Variants in EXOC7 observed in about 807,000 individuals in gnomAD.
EXOC7 encodes the protein exocyst complex component 7.
Under a neutral mutation model 87.6 loss-of-function variants are expected in EXOC7, and 51 were observed. The observed-to-expected ratio is 0.58, with a 90% confidence interval of 0.46 to 0.73. The LOEUF (loss-of-function observed/expected upper bound fraction) is 0.73. Ranked by LOEUF, EXOC7 falls within the 30% of genes least tolerant of loss-of-function variation. The pLI is 0.00. For missense variants in EXOC7, 744 were observed against 888.4 expected (o/e 0.84, Z 2.07); for synonymous variants, 327 against 357.1 (o/e 0.92, Z 0.95).
chr17:76,102,417 G>C (rs7503768), intron 2 of EXOC7, among the ~76,000 whole-genome samples: 4 of 144,010 alleles, frequency 2.8e-5, no homozygotes, highest in Non-Finnish European at 4.6e-5. Context: ...TACACACACA[G>C]ACACACACAC....
chr17:76,099,298 G>A (rs148651054), intron 4 of EXOC7, among the ~76,000 whole-genome samples: 1,730 of 152,254 alleles, frequency 0.011, 26 homozygotes, highest in African/African-American at 0.038. Flanking sequence ...CTGAGGTCAG[G>A]AGTTCAAGAC....
intron 7 of EXOC7, chr17:76,090,398 C>T (rs2067422414): frequency 6.4e-7 from 1 of 1,551,636 alleles, no homozygotes; most frequent in Admixed American, 2.0e-5. Context: ...TGCTCGTGAC[C>T]TGGCGAGATG....
At chr17:76,091,064 TG>T (rs1567972789) in intron 7 of EXOC7, 78 bp downstream of exon 7, 1 of 1,311,864 alleles carries the variant, frequency 7.6e-7, no homozygotes, top group Non-Finnish European at 1.1e-6. Context: ...GAGGCCCTCC[TG>T]GGGGAGGCTC....
intron 2 of EXOC7, chr17:76,103,100 G>C: frequency 3.8e-6 from 2 of 522,890 alleles, no homozygotes; most frequent in East Asian, 3.5e-5. Flanking sequence ...TTTGCAGAAG[G>C]AGAGAAGGAA....
In EXOC7 at chr17:76,097,785, G is replaced by C; in HGVS notation, c.640+11C>G. The C allele has an allele frequency of 6.4e-7, 1 of 1,564,980 alleles. No homozygotes were observed. Among genetic ancestry groups the C allele is most frequent in the Non-Finnish European group, 8.7e-7 (1 of 1,148,910 alleles). ...TCTGGTGTGTCATGTGGCCAAGCCAGAATCCCTTACCTTGGTTGCGGCCAT... is the reference window on the plus strand; with the variant it reads ...TCTGGTGTGTCATGTGGCCAAGCCACAATCCCTTACCTTGGTTGCGGCCAT... On this transcript the variant is annotated intron_variant, in intron 5 of 18. Coordinates refer to ENST00000589210, the MANE Select transcript of EXOC7 (RefSeq NM_001013839.4).
chr17:76,090,508 A>G, intron 7 of EXOC7: 1 of 1,544,120 alleles, frequency 6.5e-7, no homozygotes, highest in Non-Finnish European at 8.8e-7. Flanking sequence ...GGGACGTCAG[A>G]TGGGGATGGG....
Position 76,081,848 on chromosome 17 carries a change from C to T in EXOC7, c.*1800G>A. ...GGGCACCAGAGACACAGGGACTGGCCCCTGAGCATCTCCCTGTGCCCTGCC... is the reference window on the plus strand; with the variant it reads ...GGGCACCAGAGACACAGGGACTGGCTCCTGAGCATCTCCCTGTGCCCTGCC... On this transcript the variant is annotated 3_prime_UTR_variant, in exon 19 of 19. Transcript: ENST00000589210. 1 of 1,608,632 alleles carries T rather than the reference C, an allele frequency of 6.2e-7. No individual in the cohort carries two copies. Among genetic ancestry groups the T allele is most frequent in the Non-Finnish European group, 8.5e-7 (1 of 1,176,378 alleles).
intron 6 of EXOC7, chr17:76,094,195 G>A: frequency 4.0e-6 from 2 of 505,882 alleles, no homozygotes; most frequent in Non-Finnish European, 6.9e-6. Flanking sequence ...AAGAAGCTGT[G>A]TAACCCCAGG....
Position 76,081,813 on chromosome 17 carries a change from T to C in EXOC7, c.*1835A>G, listed in dbSNP as rs1271291751. The C allele has an allele frequency of 7.4e-6, 12 of 1,611,052 alleles. No homozygotes were observed. The highest frequency in any genetic ancestry group is 1.3e-5 in the African/African-American group (1 of 74,826). ...TTTCTCCCCGGTCACCCACTGGTGC[T>C]CAGCTCGCTGGGCACCAGAGACACA... On this transcript the variant is annotated 3_prime_UTR_variant, in exon 19 of 19. Transcript: ENST00000589210.
At chr17:76,086,841 C>A in intron 12 of EXOC7, 13 of 1,550,970 alleles carry the variant, frequency 8.4e-6, no homozygotes, top group Non-Finnish European at 1.1e-5. Context: ...GGCTGCAGAA[C>A]CGCACTGCTT....
chr17:76,081,421 A>C lies in EXOC7; in HGVS notation c.*2227T>G, dbSNP rs1202134200. The C allele has an allele frequency of 3.7e-6, 6 of 1,613,642 alleles. No homozygotes were observed. The highest frequency in any genetic ancestry group is 5.1e-6 in the Non-Finnish European group (6 of 1,179,896). ...GGTGACGGTGAGTCAAGTCGGGAGG[A>C]GGCCGACAGAGGGCTGCTGGAGGCG... is the stretch of plus-strand genomic sequence containing the variant. On this transcript the variant is annotated 3_prime_UTR_variant, in exon 19 of 19. Coordinates refer to ENST00000589210, the MANE Select transcript of EXOC7 (RefSeq NM_001013839.4).
At position 76,088,380 on chromosome 17, in the gene EXOC7, G is replaced by C. The variant is rs1336312871; in HGVS notation, c.1299+84C>G. On this transcript the variant is annotated intron_variant, in intron 10 of 18. Transcript: ENST00000589210. ...TGCCCCGGGACAACGCACCCTCTTG[G>C]AGGCCTGCTCTGAGAGTCCCCCAGG... 2.2e-6 allele frequency: 3 copies of C among 1,376,086 alleles called. No individual in the cohort carries two copies. The Admixed American group carries it at 5.6e-5, about 26-fold the overall frequency. The allele number at this position is 1,376,086 out of a possible 1,614,324, so 85.2% of individuals were successfully genotyped here. A position where few individuals can be genotyped will look rare whatever the true frequency, so the allele number is the denominator to read the frequency against.
In EXOC7 at chr17:76,082,349, G is replaced by A. The variant is rs1328844743; in HGVS notation, c.*1299C>T. 2 of 1,183,282 alleles carry A rather than the reference G, an allele frequency of 1.7e-6. No individual in the cohort carries two copies. The highest frequency in any genetic ancestry group is 1.5e-5 in the African/African-American group (1 of 65,106). 73.3% of individuals were successfully genotyped at this position (1,183,282 alleles called of 1,614,324 possible). ...ATGGGCCAGACCCAAATTTTCATCA[G>A]CTGAGAATCTAAGAAAGGAAGCGAT... On this transcript the variant is annotated 3_prime_UTR_variant, in exon 19 of 19. Coordinates refer to ENST00000589210, the MANE Select transcript of EXOC7 (RefSeq NM_001013839.4).
chr17:76,085,669 C>G lies in EXOC7; in HGVS notation c.1616+8G>C. 6.2e-7 allele frequency: 1 copy of G among 1,614,032 alleles called. No individual in the cohort carries two copies. The highest frequency in any genetic ancestry group is 8.5e-7 in the Non-Finnish European group (1 of 1,180,026). On this transcript the variant is annotated splice_region_variant and intron_variant, in intron 14 of 18. Coordinates refer to ENST00000589210, the MANE Select transcript of EXOC7 (RefSeq NM_001013839.4). ...AGAGCCGCAGACTCACTCCCGCAGG[C>G]CACTTACTTCTCCAGGGACTTGAGG...
Position 76,089,228 on chromosome 17 carries a change from C to A in EXOC7, c.994G>T (p.Ala332Ser), listed in dbSNP as rs766866623. ...TGGTGGTGCTCGGGGATGATGTCGG[C>A]CAGCAGCTGGTACTCGCTCTGCGCC... is the stretch of plus-strand genomic sequence containing the variant. Reference protein sequence around the residue: ...KLAQSEYQLLADIIPEHHQKK... With the variant: ...KLAQSEYQLLSDIIPEHHQKK... Residue 332 changes from alanine (A) to serine (S), a missense_variant, in exon 8 of 19, where the codon GCC becomes TCC. This residue lies in a region of EXOC7 where 512 missense variants were observed against 573.0 expected (regional missense o/e 0.89). Transcript: ENST00000589210. 1.2e-6 allele frequency: 2 copies of A among 1,613,920 alleles called. No homozygotes were observed. The highest frequency in any genetic ancestry group is 4.5e-5 in the East Asian group (2 of 44,898).
chr17:76,084,256 G>C lies in EXOC7; in HGVS notation c.1810C>G (p.Arg604Gly). The change falls in exon 17 of 19, where the codon CGT (arginine) becomes GGT (glycine). Residue 604 changes from arginine (R) to glycine (G), a missense_variant. Around this residue, in one of 3 missense-constraint regions of EXOC7, gnomAD observed 228 missense variants for 298.6 expected, o/e 0.76. Transcript: ENST00000589210. ...RDKERQIIKE[R>G]FKGFNDGLEE... ...AGAGGACCCCGACTCACCTTAAAAC[G>C]CTCCTTGATAATCTGCCGCTCCTTG... 1.2e-6 allele frequency: 2 copies of C among 1,613,402 alleles called. No homozygotes were observed. The highest frequency in any genetic ancestry group is 1.7e-6 in the Non-Finnish European group (2 of 1,179,886).
At chr17:76,094,851 T>C (rs919128079) in intron 5 of EXOC7, among the ~76,000 whole-genome samples, 1 of 151,686 alleles carries the variant, frequency 6.6e-6, no homozygotes, top group Admixed American at 6.6e-5. Flanking sequence ...GCTCAAGTAA[T>C]CTGACCACTT....
rs767369674 is a variant in EXOC7, at chr17:76,082,011, A to C, written c.*1637T>G. The C allele has an allele frequency of 6.2e-7, 1 of 1,611,542 alleles. No homozygotes were observed. Among genetic ancestry groups the C allele is most frequent in the Non-Finnish European group, 8.5e-7 (1 of 1,179,452 alleles). ...CCCAGCCCAGCCCCGAGAGGGGAAC[A>C]GCGAGAGCACGGCAACCCAGGGCCT... On this transcript the variant is annotated 3_prime_UTR_variant, in exon 19 of 19. Coordinates refer to ENST00000589210, the MANE Select transcript of EXOC7 (RefSeq NM_001013839.4).
chr17:76,100,498 G>A (rs2068005287), intron 4 of EXOC7, among the ~76,000 whole-genome samples: 1 of 151,818 alleles, frequency 6.6e-6, no homozygotes, highest in Non-Finnish European at 1.5e-5. Flanking sequence ...TTAGCCGAGA[G>A]TGGTGGCGCA....
Sources: allele counts gnomAD v4.1 joint callset (sites outside exome capture counted in the v4.1 genomes callset), GRCh38; gene constraint gnomAD v4.1.1; regional missense constraint gnomAD v4.1.1; transcripts MANE v1.5; gene names NCBI Gene and HGNC (gene_info 2026-07-23, HGNC 2026-07-21).